Variants in DYNC2H1 observed in about 807,000 individuals in gnomAD.
DYNC2H1 encodes dynein cytoplasmic 2 heavy chain 1.
DYNC2H1 carries 410 observed loss-of-function variants against 570.0 expected under a neutral mutation model. The observed-to-expected ratio is 0.72, with a 90% CI of 0.66 to 0.78. The LOEUF (loss-of-function observed/expected upper bound fraction) is 0.78. DYNC2H1 is among the 30% of genes least tolerant of loss of function. DYNC2H1 has a pLI of 0.00. For synonymous variants in DYNC2H1, 1,688 were observed against 1,677.6 expected (o/e 1.01, Z -0.15); for missense variants, 4,865 against 5,046.4 (o/e 0.96, Z 1.09).
intron 84 of DYNC2H1, among the ~76,000 whole-genome samples, chr11:103,425,754 T>C (rs958258603): frequency 6.3e-5 from 2 of 31,532 alleles, no homozygotes; most frequent in Non-Finnish European, 1.1e-4. Context: ...CTTTGTGAGC[T>C]GGTTCAATCA....
chr11:103,359,512 T>C (rs1012247721), intron 83 of DYNC2H1, among the ~76,000 whole-genome samples: 7 of 152,170 alleles, frequency 4.6e-5, no homozygotes, highest in Non-Finnish European at 1.0e-4. Flanking sequence ...TTTGTAATTC[T>C]GAGAAAACTT....
At chr11:103,132,404 A>G (rs1859326341) in intron 13 of DYNC2H1, among the ~76,000 whole-genome samples, 1 of 151,902 alleles carries the variant, frequency 6.6e-6, no homozygotes, top group Admixed American at 6.6e-5. Flanking sequence ...AGAATTTGTA[A>G]CTGCCTGTTG....
intron 85 of DYNC2H1, among the ~76,000 whole-genome samples, chr11:103,438,548 A>G (rs1944141516): frequency 6.6e-6 from 1 of 152,120 alleles, no homozygotes; most frequent in South Asian, 2.1e-4. Flanking sequence ...AGATCCAGCT[A>G]TAGTTTAAGA....
At chr11:103,171,503 C>G (rs925423394) in intron 34 of DYNC2H1, among the ~76,000 whole-genome samples, 93 of 152,092 alleles carry the variant, frequency 6.1e-4, no homozygotes, top group African/African-American at 2.1e-3. Context: ...TGATCCACCC[C>G]CCTCGGCCTC....
chr11:103,427,050 C>G (rs1943698942), intron 84 of DYNC2H1, among the ~76,000 whole-genome samples: 2 of 152,066 alleles, frequency 1.3e-5, no homozygotes, highest in South Asian at 4.1e-4. Context: ...GTTTATAGAT[C>G]AAATGTTAAC....
chr11:103,294,524 G>A (rs539439708), intron 75 of DYNC2H1, among the ~76,000 whole-genome samples: 1 of 152,110 alleles, frequency 6.6e-6, no homozygotes, highest in Non-Finnish European at 1.5e-5. Context: ...GAATTCTCTG[G>A]GTTCCTAGAC....
rs181551116 is a variant in DYNC2H1, at chr11:103,124,873, T to C, written c.1662-227T>C. Among the ~76,000 whole-genome samples the C allele has an allele frequency of 1.7e-4, 26 of 152,310 alleles. No individual in the cohort carries two copies. The East Asian group carries it at 4.6e-3, about 27-fold the overall frequency. On this transcript the variant is annotated intron_variant, in intron 11 of 88. Coordinates refer to ENST00000375735, the MANE Select transcript of DYNC2H1 (RefSeq NM_001377.3). ...TTTTCTTACTTTAAAACTGCTTGGT[T>C]GAAATATTAATGTGATGATCTATTT...
At chr11:103,437,323 T>C (rs746650714) in intron 85 of DYNC2H1, among the ~76,000 whole-genome samples, 6 of 152,142 alleles carry the variant, frequency 3.9e-5, no homozygotes, top group Non-Finnish European at 8.8e-5. Context: ...TGATTCTGTC[T>C]GTTCTCCTCT....
At chr11:103,316,073 ATTAG>A (rs1401933713) in intron 79 of DYNC2H1, among the ~76,000 whole-genome samples, 6 of 152,012 alleles carry the variant, frequency 3.9e-5, no homozygotes, top group Non-Finnish European at 7.4e-5. Flanking sequence ...CATTGTAGCT[ATTAG>A]TTATAGTTAT....
intron 37 of DYNC2H1, 34 bp downstream of exon 37, chr11:103,176,468 C>A: frequency 7.2e-7 from 1 of 1,390,510 alleles, no homozygotes; most frequent in Non-Finnish European, 9.4e-7. Context: ...ATAGATTGAT[C>A]CCTTTTCCTA....
rs1461562994 is a variant in DYNC2H1 at position 103,324,217 on chromosome 11, T to TA, written c.12039+228dup. 6.6e-6 allele frequency among the ~76,000 whole-genome samples: 1 copy of TA among 152,180 alleles called. No homozygotes were observed. Among genetic ancestry groups the TA allele is most frequent in the Non-Finnish European group, 1.5e-5 (1 of 68,032 alleles). ...ACTCAGGGGAAATGTGCAGATTTGT[T>TA]ACATAGGTAAATTGTGTGTCGTAAG... On this transcript the variant is annotated intron_variant, in intron 82 of 88. Transcript: ENST00000375735. This position sits in a 1 kb window ranked among gnomAD's most constrained non-coding sequence, Gnocchi z 5.2.
chr11:103,331,336 C>G (rs547694145), intron 82 of DYNC2H1, among the ~76,000 whole-genome samples: 1 of 152,246 alleles, frequency 6.6e-6, no homozygotes, highest in Admixed American at 6.5e-5. Flanking sequence ...TACTCAGGAG[C>G]TTTTTTTGTA....
chr11:103,198,872 T>C (rs1862606692), intron 48 of DYNC2H1, among the ~76,000 whole-genome samples: 2 of 152,136 alleles, frequency 1.3e-5, no homozygotes, highest in Non-Finnish European at 2.9e-5. Context: ...AGTTTGGGGA[T>C]TTTTTTCATG....
chr11:103,250,959 A>AT (rs1350073297), intron 65 of DYNC2H1, among the ~76,000 whole-genome samples: 1 of 151,832 alleles, frequency 6.6e-6, no homozygotes, highest in Non-Finnish European at 1.5e-5. Context: ...GCATTTGGTT[A>AT]TTTTTTATAA....
rs1565425261 is a variant in DYNC2H1 at position 103,243,296 on chromosome 11, GATAGA to G, written c.9820-396_9820-392del. ...AGATAGATAGATAGATAGATAGATA[GATAGA>G]TAGATAAATAGAGAATAATTTGACT... On this transcript the variant is annotated intron_variant, in intron 63 of 88. Coordinates refer to ENST00000375735, the MANE Select transcript of DYNC2H1 (RefSeq NM_001377.3). This position sits in a 1 kb window ranked among gnomAD's most constrained non-coding sequence, Gnocchi z 4.8. Among the ~76,000 whole-genome samples the G allele has an allele frequency of 6.2e-5, 8 of 128,142 alleles. No homozygotes were observed. Among genetic ancestry groups the G allele is most frequent in the African/African-American group, 2.1e-4 (7 of 32,848 alleles). 84.1% of individuals were successfully genotyped at this position (128,142 alleles called of 152,430 possible).
chr11:103,260,049 A>ATTTATAAAT lies in DYNC2H1; in HGVS notation c.10695+72_10695+73insTTTATAAAT. ...GATTTAACGTAATATTTATAGTTAT[A>ATTTATAAAT]GTATAACTCTTTCCCTACTGGAAAG... On this transcript the variant is annotated intron_variant, in intron 70 of 88. Transcript: ENST00000375735. 1.5e-4 allele frequency: 139 copies of ATTTATAAAT among 898,682 alleles called. 1 individual carries two copies. The highest frequency in any genetic ancestry group is 3.0e-4 in the South Asian group (14 of 47,354). 55.7% of individuals were successfully genotyped at this position (898,682 alleles called of 1,614,324 possible).
In DYNC2H1 at chr11:103,311,990, G is replaced by T; in HGVS notation, c.11606G>T (p.Trp3869Leu). Reference protein sequence around the residue: ...HRAHALFSLAWFHAACQERRN... With the variant: ...HRAHALFSLALFHAACQERRN... ...GCTCATGCTCTCTTCAGTCTTGCAT[G>T]GTTTCATGCTGCATGTCAAGAAAGA... Residue 3869 changes from tryptophan (W) to leucine (L), a missense_variant, in exon 79 of 89, where the codon TGG (tryptophan) becomes TTG (leucine). By Grantham distance (61) the Trp-to-Leu change is moderately conservative. Transcript: ENST00000375735. 6.2e-7 allele frequency: 1 copy of T among 1,612,816 alleles called. No individual in the cohort carries two copies. Among genetic ancestry groups the T allele is most frequent in the South Asian group, 1.1e-5 (1 of 90,754 alleles).
chr11:103,140,181 G>A (rs1859824148), intron 17 of DYNC2H1, among the ~76,000 whole-genome samples: 1 of 152,154 alleles, frequency 6.6e-6, no homozygotes, highest in Admixed American at 6.5e-5. Flanking sequence ...TTGCCAGTCT[G>A]TGTCTTTTAA....
intron 13 of DYNC2H1, among the ~76,000 whole-genome samples, chr11:103,130,656 A>T (rs919889426): frequency 2.6e-5 from 4 of 152,056 alleles, no homozygotes; most frequent in Middle Eastern, 6.8e-3. Context: ...TAAAAAATGT[A>T]TGCATAGTTT....
Sources: allele counts gnomAD v4.1 joint callset (sites outside exome capture counted in the v4.1 genomes callset), GRCh38; gene constraint gnomAD v4.1.1; non-coding constraint Gnocchi (gnomAD v3.1); transcripts MANE v1.5; gene names NCBI Gene and HGNC (gene_info 2026-07-23, HGNC 2026-07-21).